CSMD2: variants seen among roughly 807,000 people sequenced by gnomAD.
CSMD2 encodes CUB and sushi domain-containing protein 2.
In CSMD2, 130 loss-of-function variants were observed where a neutral mutation model predicts 398.5. That is an observed-to-expected ratio of 0.33 (90% CI 0.28 to 0.38). The LOEUF is 0.38. CSMD2 is among the 10% of genes least tolerant of loss of function. CSMD2 has a pLI of 1.00. For synonymous variants in CSMD2, 1,828 were observed against 1,908.5 expected, an observed-to-expected ratio of 0.96 and a Z score of 1.10; for missense variants, 3,829 against 4,764.9, an observed-to-expected ratio of 0.80 and a Z score of 5.78.
rs55940400 is a variant in CSMD2 at position 34,155,705 on chromosome 1, G to T, written c.187+9206C>A. On this transcript the variant is annotated intron_variant, in intron 1 of 70. Coordinates refer to ENST00000373381, the MANE Select transcript of CSMD2 (RefSeq NM_001281956.2). ...GGCAAGCTGTCTGCAGAGGTCGTGA[G>T]CTCCCCATCCCTGGAAAGCCAAGCA... Among the ~76,000 whole-genome samples, 261 of 152,308 alleles carry T rather than the reference G, an allele frequency of 1.7e-3. 2 individuals are homozygous for T. Among genetic ancestry groups the T allele is most frequent in the Admixed American group, 4.1e-3 (62 of 15,306 alleles).
In CSMD2 at chr1:33,572,590, G is replaced by A. The variant is rs1332745877; in HGVS notation, c.7678C>T (p.His2560Tyr). 6.2e-7 allele frequency: 1 copy of A among 1,614,060 alleles called. No homozygotes were observed. The highest frequency in any genetic ancestry group is 1.7e-5 in the Admixed American group (1 of 60,022). Residue 2560 changes from histidine to tyrosine, a missense_variant, in exon 50 of 71, where the codon CAC (histidine) becomes TAC (tyrosine). Physicochemically the swap from His to Tyr is moderately conservative, Grantham distance 83. Transcript: ENST00000373381. ...GTGGCCTCAGCGCCTGCCTGGAGGT[G>A]GTAGCCTTCACTGCAGCTGTACATG... Reference protein sequence around the residue: ...KAMYSCSEGYHLQAGAEATAE... With the variant: ...KAMYSCSEGYYLQAGAEATAE...
At chr1:33,626,769 T>G (rs1642155544) in intron 32 of CSMD2, among the ~76,000 whole-genome samples, 188 bp from the exon 33 acceptor site, 1 of 152,196 alleles carries the variant, frequency 6.6e-6, no homozygotes, top group Non-Finnish European at 1.5e-5. Context: ...TATAGAAAGC[T>G]TTTTCATTCA....
intron 25 of CSMD2, among the ~76,000 whole-genome samples, chr1:33,673,970 T>C (rs1363377140): frequency 6.6e-6 from 1 of 152,100 alleles, no homozygotes; most frequent in Non-Finnish European, 1.5e-5. Context: ...GCACTAAACA[T>C]GGAAAGGAAC....
chr1:33,773,473 C>T (rs1182149891), intron 12 of CSMD2, among the ~76,000 whole-genome samples: 1 of 152,214 alleles, frequency 6.6e-6, no homozygotes, highest in East Asian at 1.9e-4. Flanking sequence ...CCTGAGACAG[C>T]TCTGGGGGCC....
At position 33,518,192 on chromosome 1, in the gene CSMD2, C is replaced by T. The variant is rs1483975328; in HGVS notation, c.*53+1273G>A. ...GGGGCACCTGCCTATCCCCAGAAAG[C>T]GGGATGTGTGGGAGAAGACAGTTCT... On this transcript the variant is annotated intron_variant, in intron 70 of 70. Coordinates refer to ENST00000373381, the MANE Select transcript of CSMD2 (RefSeq NM_001281956.2). This position sits in a 1 kb window ranked among gnomAD's most constrained non-coding sequence, Gnocchi z 4.3. Among the ~76,000 whole-genome samples the T allele has an allele frequency of 2.0e-5, 3 of 152,280 alleles. No individual in the cohort carries two copies. Among genetic ancestry groups the T allele is most frequent in the Admixed American group, 6.5e-5 (1 of 15,306 alleles).
chr1:34,092,562 G>A (rs760192051), intron 1 of CSMD2, among the ~76,000 whole-genome samples: 1 of 151,960 alleles, frequency 6.6e-6, no homozygotes, highest in African/African-American at 2.4e-5. Context: ...CACCGTGCAC[G>A]AGCCGAAGCA....
chr1:33,864,709 C>A, intron 5 of CSMD2: 1 of 1,613,148 alleles, frequency 6.2e-7, no homozygotes, highest in Non-Finnish European at 8.5e-7. Context: ...TACCGAATGT[C>A]AGCTAGAAAC....
intron 46 of CSMD2, 83 bp downstream of exon 46, chr1:33,586,421 T>C (rs981974268): frequency 5.8e-6 from 5 of 865,416 alleles, no homozygotes; most frequent in Non-Finnish European, 7.7e-6. Flanking sequence ...AGCTGAGAAC[T>C]GGGAATAGAA....
chr1:33,779,831 TG>T (rs941368155), intron 12 of CSMD2, among the ~76,000 whole-genome samples: 73 of 152,226 alleles, frequency 4.8e-4, no homozygotes, highest in African/African-American at 1.7e-3. Flanking sequence ...CAATGTTTTT[TG>T]AAATGTCTAT....
chr1:33,855,703 C>T (rs1639035550), intron 5 of CSMD2, among the ~76,000 whole-genome samples: 1 of 152,140 alleles, frequency 6.6e-6, no homozygotes, highest in South Asian at 2.1e-4. Flanking sequence ...GGAAGGCAGT[C>T]CTGAGGACTG....
At chr1:34,108,282 AG>A (rs34542271) in intron 1 of CSMD2, among the ~76,000 whole-genome samples, 10 of 151,664 alleles carry the variant, frequency 6.6e-5, no homozygotes, top group South Asian at 6.3e-4. Flanking sequence ...TGAGAGAGAG[AG>A]AAAAAAAAAC....
At chr1:33,906,249 T>A (rs1643080798) in intron 5 of CSMD2, among the ~76,000 whole-genome samples, 1 of 152,222 alleles carries the variant, frequency 6.6e-6, no homozygotes, top group Non-Finnish European at 1.5e-5. Context: ...GGTGGTTACT[T>A]AGGCAAGGGT....
chr1:33,764,621 GA>G (rs1368544511), intron 13 of CSMD2, among the ~76,000 whole-genome samples: 2 of 152,194 alleles, frequency 1.3e-5, no homozygotes, highest in Non-Finnish European at 2.9e-5. Context: ...GAAATGAGGG[GA>G]ATGTTACATT....
intron 5 of CSMD2, among the ~76,000 whole-genome samples, chr1:33,880,115 A>G (rs1641131066): frequency 6.6e-6 from 1 of 152,210 alleles, no homozygotes; most frequent in Non-Finnish European, 1.5e-5. Context: ...GACCTCATGG[A>G]GACCAAAAAT....
intron 2 of CSMD2, among the ~76,000 whole-genome samples, chr1:34,075,638 G>A (rs1034915521): frequency 6.6e-6 from 1 of 152,216 alleles, no homozygotes; most frequent in African/African-American, 2.4e-5. Context: ...CTTAACTGGT[G>A]CAGTCATCAC....
At chr1:34,120,883 T>C (rs1406953748) in intron 1 of CSMD2, among the ~76,000 whole-genome samples, 1 of 152,078 alleles carries the variant, frequency 6.6e-6, no homozygotes, top group Non-Finnish European at 1.5e-5. Flanking sequence ...TAGAAGAAAA[T>C]AAAACATGGT....
At chr1:34,089,871 C>A (rs913346028) in intron 1 of CSMD2, among the ~76,000 whole-genome samples, 1 of 152,126 alleles carries the variant, frequency 6.6e-6, no homozygotes, top group African/African-American at 2.4e-5. Context: ...GAAAAAAATT[C>A]CCTACCCCAC....
chr1:33,864,885 G>C (rs1570321316), intron 5 of CSMD2: 3 of 697,056 alleles, frequency 4.3e-6, no homozygotes, highest in East Asian at 5.8e-5. Flanking sequence ...GACTGATCCT[G>C]AGGAGGGGAA....
intron 2 of CSMD2, among the ~76,000 whole-genome samples, chr1:34,081,817 G>A (rs1405149422): frequency 6.6e-6 from 1 of 152,078 alleles, no homozygotes; most frequent in Non-Finnish European, 1.5e-5. Flanking sequence ...CTGCATGGCC[G>A]CCACCCCGTC....
Sources: gnomAD v4.1 joint callset for allele counts (sites outside exome capture counted in the v4.1 genomes callset) on GRCh38, gnomAD v4.1.1 for gene constraint, Gnocchi (gnomAD v3.1) non-coding constraint, MANE v1.5 for transcripts, NCBI Gene and HGNC (gene_info 2026-07-23, HGNC 2026-07-21) for gene names.